Variants in TXNRD1 observed in about 807,000 individuals in gnomAD.
TXNRD1 encodes thioredoxin reductase 1, cytoplasmic.
A neutral mutation model predicts 80.3 loss-of-function variants in TXNRD1; 57 were observed. That is an observed-to-expected ratio of 0.71 (90% CI 0.57 to 0.89). The LOEUF is 0.89. Ranked by LOEUF, TXNRD1 falls within the 40% of genes least tolerant of loss-of-function variation. The probability of loss-of-function intolerance (pLI) is 0.00; values close to 1 mark genes in which losing one functional copy is unlikely to be tolerated. For synonymous variants in TXNRD1, 291 were observed against 285.2 expected (o/e 1.02, Z -0.20); for missense variants, 730 against 803.0 (o/e 0.91, Z 1.10).
intron 4 of TXNRD1, among the ~76,000 whole-genome samples, chr12:104,299,522 A>C (rs376698541): frequency 6.6e-6 from 1 of 152,170 alleles, no homozygotes; most frequent in African/African-American, 2.4e-5. Context: ...TAATCCCAGC[A>C]TTTTGGGAGG....
chr12:104,295,518 C>T (rs969516828), intron 4 of TXNRD1, among the ~76,000 whole-genome samples: 1 of 152,332 alleles, frequency 6.6e-6, no homozygotes, highest in Non-Finnish European at 1.5e-5. Flanking sequence ...CCTCCAGGGT[C>T]TAGCCCCAAC....
chr12:104,300,583 A>G (rs1394669261), intron 4 of TXNRD1, among the ~76,000 whole-genome samples: 2 of 152,246 alleles, frequency 1.3e-5, no homozygotes, highest in Non-Finnish European at 2.9e-5. Flanking sequence ...ATTAACCGGC[A>G]TGGAAATCCC....
chr12:104,222,283 A>G (rs2032373660), intron 1 of TXNRD1, among the ~76,000 whole-genome samples: 1 of 152,158 alleles, frequency 6.6e-6, no homozygotes, highest in Admixed American at 6.5e-5. Flanking sequence ...TTTTTCTTAG[A>G]TAGTAACACA....
At chr12:104,326,971 A>G (rs1161337638) in intron 12 of TXNRD1, among the ~76,000 whole-genome samples, 1 of 151,646 alleles carries the variant, frequency 6.6e-6, no homozygotes, top group Admixed American at 6.6e-5. Context: ...TGGTAGCTGG[A>G]TTACAGGCGC....
intron 3 of TXNRD1, chr12:104,284,243 T>G (rs144224363): frequency 6.6e-6 from 1 of 152,358 alleles, no homozygotes; most frequent in African/African-American, 2.4e-5. Context: ...AACTTTAAAG[T>G]GAAATCACTT....
intron 4 of TXNRD1, chr12:104,291,055 G>A (rs772250353): frequency 6.3e-5 from 43 of 686,614 alleles, no homozygotes; most frequent in South Asian, 1.2e-4. Flanking sequence ...GCGATCATCC[G>A]GCCTCGGCCT....
chr12:104,314,431 T>G (rs904884160), intron 6 of TXNRD1, among the ~76,000 whole-genome samples: 1 of 152,216 alleles, frequency 6.6e-6, no homozygotes, highest in Non-Finnish European at 1.5e-5. Flanking sequence ...TGTCAGACAC[T>G]GCTCTTGGTA....
In TXNRD1 at chr12:104,348,373, G is replaced by A. The variant is rs1379538577; in HGVS notation, c.1902G>A (p.Val634=). 1 of 1,614,006 alleles carries A rather than the reference G, an allele frequency of 6.2e-7. No individual in the cohort carries two copies. The highest frequency in any genetic ancestry group is 1.1e-5 in the South Asian group (1 of 91,070). ...TGCAGGTATTCACAACATTGTCTGT[G>A]ACCAAGCGCTCTGGGGCAAGCATCC... ...VCAEVFTTLS[V]TKRSGASILQ... is the part of the protein sequence containing the mutation. The change falls in exon 17 of 17, where the codon GTG becomes GTA. Residue 634 remains valine, a synonymous_variant. Coordinates refer to ENST00000525566, the MANE Select transcript of TXNRD1 (RefSeq NM_001093771.3).
At chr12:104,281,752 C>T (rs1473260771) in intron 3 of TXNRD1, among the ~76,000 whole-genome samples, 3 of 151,998 alleles carry the variant, frequency 2.0e-5, no homozygotes, top group Non-Finnish European at 4.4e-5. Flanking sequence ...ATTTTCCACA[C>T]AACTGAGCAA....
At chr12:104,273,203 G>A (rs540762752) in intron 3 of TXNRD1, among the ~76,000 whole-genome samples, 11 of 152,276 alleles carry the variant, frequency 7.2e-5, no homozygotes, top group Admixed American at 2.6e-4. Context: ...AAGACTGTGG[G>A]CGTGGAGCCG....
At chr12:104,230,851 C>G (rs1330937186) in intron 1 of TXNRD1, among the ~76,000 whole-genome samples, 3 of 152,166 alleles carry the variant, frequency 2.0e-5, no homozygotes, top group Non-Finnish European at 1.5e-5. Context: ...ATCAGCATGT[C>G]ATTCACGAAG....
chr12:104,224,661 G>A (rs147459587), intron 1 of TXNRD1, among the ~76,000 whole-genome samples: 40 of 152,178 alleles, frequency 2.6e-4, no homozygotes, highest in African/African-American at 8.9e-4. Context: ...TGGGATTATA[G>A]GCATGAGCCA....
intron 15 of TXNRD1, among the ~76,000 whole-genome samples, chr12:104,335,188 T>A (rs1290827248): frequency 7.0e-6 from 1 of 143,210 alleles, no homozygotes; most frequent in African/African-American, 2.6e-5. Flanking sequence ...CAATATGCAA[T>A]ATATTACAGT....
chr12:104,239,568 T>A (rs371572676), intron 1 of TXNRD1, among the ~76,000 whole-genome samples: 1 of 152,072 alleles, frequency 6.6e-6, no homozygotes, highest in African/African-American at 2.4e-5. Flanking sequence ...ATTCCTTTTT[T>A]TTCCCTAGAC....
intron 2 of TXNRD1, among the ~76,000 whole-genome samples, chr12:104,255,201 C>G (rs2033222596): frequency 6.6e-6 from 1 of 152,082 alleles, no homozygotes; most frequent in Admixed American, 6.5e-5. Context: ...AAAAGTTGGG[C>G]TAGCGGTCAG....
chr12:104,217,120 A>G (rs1213749766), intron 1 of TXNRD1, among the ~76,000 whole-genome samples: 1 of 151,942 alleles, frequency 6.6e-6, no homozygotes, highest in Non-Finnish European at 1.5e-5. Context: ...AGGTCAGGCA[A>G]GGTCCAGGTC....
At chr12:104,240,715 A>ATATGTTTTT (rs952741941) in intron 1 of TXNRD1, among the ~76,000 whole-genome samples, 62 of 149,990 alleles carry the variant, frequency 4.1e-4, no homozygotes, top group African/African-American at 1.5e-3. Flanking sequence ...TCTTCTGTGT[A>ATATGTTTTT]TATGTTTTTT....
intron 1 of TXNRD1, among the ~76,000 whole-genome samples, chr12:104,239,851 C>T (rs968242112): frequency 6.6e-6 from 1 of 152,148 alleles, no homozygotes; most frequent in African/African-American, 2.4e-5. Flanking sequence ...TGTAGATTAT[C>T]TAATTCGTTG....
chr12:104,276,392 G>A (rs986446682), intron 3 of TXNRD1, among the ~76,000 whole-genome samples: 5 of 152,196 alleles, frequency 3.3e-5, no homozygotes, highest in African/African-American at 4.8e-5. Context: ...TTTGGGCAGT[G>A]TGCTGGAGCT....
Sources: gnomAD v4.1 joint callset for allele counts (sites outside exome capture counted in the v4.1 genomes callset) on GRCh38, gnomAD v4.1.1 for gene constraint, MANE v1.5 for transcripts, NCBI Gene and HGNC (gene_info 2026-07-23, HGNC 2026-07-21) for gene names.